Variants in UVSSA observed in about 807,000 individuals in gnomAD.
UVSSA encodes the protein UV-stimulated scaffold protein A.
UVSSA carries 72 observed loss-of-function variants against 73.9 expected under a neutral mutation model. The ratio of observed to expected loss-of-function variants is 0.97; its 90% CI spans 0.81 to 1.19. UVSSA has a LOEUF of 1.19. Ranked by LOEUF, UVSSA falls within the 50% of genes most tolerant of loss-of-function variation. The probability of loss-of-function intolerance (pLI) is 0.00; values close to 1 mark genes in which losing one functional copy is unlikely to be tolerated. For synonymous variants in UVSSA, 454 were observed against 391.3 expected (o/e 1.16, Z -1.89); for missense variants, 1,150 against 965.0 (o/e 1.19, Z -2.54).
intron 10 of UVSSA, among the ~76,000 whole-genome samples, chr4:1,379,813 ACGTGG>A: frequency 5.3e-5 from 1 of 18,938 alleles, no homozygotes; most frequent in African/African-American, 2.3e-4. Context: ...CGGCTGGTTC[ACGTGG>A]CATCAGAATT....
chr4:1,349,698 G>T lies in UVSSA; in HGVS notation c.273G>T (p.Leu91=). ...SNFQEFLELT[L]GTDPAQPLPP... ...TCCAGGAGTTCCTGGAGCTCACGCTGGGCACAGACCCCGCACAGCCTCTGC... is the reference window on the plus strand; with the variant it reads ...TCCAGGAGTTCCTGGAGCTCACGCTTGGCACAGACCCCGCACAGCCTCTGC... The change falls in exon 3 of 14, where the codon CTG becomes CTT. Residue 91 remains leucine (L), a synonymous_variant. Transcript: ENST00000389851. The T allele has an allele frequency of 6.2e-7, 1 of 1,613,970 alleles. No homozygotes were observed. The highest frequency in any genetic ancestry group is 1.6e-4 in the Middle Eastern group (1 of 6,062).
rs139054613 is a variant in UVSSA, at chr4:1,379,987, G to A, written c.1569-60G>A. Reference sequence around the variant, plus strand: ...GGCCTTCCCCTGTGCCTGCACCACCGTGGCCACGCTCTTCTGGGGTCCCTG... The same window carrying A: ...GGCCTTCCCCTGTGCCTGCACCACCATGGCCACGCTCTTCTGGGGTCCCTG... On this transcript the variant is annotated intron_variant, in intron 10 of 13. Transcript: ENST00000389851. 5.2e-5 allele frequency: 79 copies of A among 1,525,692 alleles called. No homozygotes were observed. The Middle Eastern group carries it at 1.0e-3, about 20-fold the overall frequency. 94.5% of individuals were successfully genotyped at this position (1,525,692 alleles called of 1,614,324 possible). A position where few individuals can be genotyped will look rare whatever the true frequency, so the allele number is the denominator to read the frequency against.
intron 5 of UVSSA, 148 bp downstream of exon 5, chr4:1,353,561 T>C (rs1715147674): frequency 8.8e-7 from 1 of 1,138,050 alleles, no homozygotes. Flanking sequence ...GTTTTTCCTT[T>C]CTGTGTGGCC....
At chr4:1,380,014 A>G (rs1719276214) in intron 10 of UVSSA, 33 bp from the exon 11 acceptor site, 1 of 1,566,498 alleles carries the variant, frequency 6.4e-7, no homozygotes, top group Admixed American at 1.9e-5. Context: ...GGGTCCCTGC[A>G]GATGCTATGA....
rs765203388 is a variant in UVSSA at position 1,351,858 on chromosome 4, G to T, written c.550+23G>T. ...AAGGCAAGTGTCCAGGACGGAGGGA[G>T]GGGCCCACGCCTCTGAGGGTTGCCC... On this transcript the variant is annotated intron_variant, in intron 4 of 13. Transcript: ENST00000389851. 8.1e-6 allele frequency: 13 copies of T among 1,611,072 alleles called. No homozygotes were observed. The East Asian group carries it at 2.9e-4, about 36-fold the overall frequency.
intron 8 of UVSSA, 122 bp from the exon 9 acceptor site, chr4:1,375,242 C>T (rs1718612350): frequency 6.7e-7 from 1 of 1,499,282 alleles, no homozygotes; most frequent in Admixed American, 1.8e-5. Flanking sequence ...AGGCACCCAC[C>T]TCGGGACTGT....
chr4:1,345,691 G>C (rs564377128), upstream of UVSSA, among the ~76,000 whole-genome samples: 2 of 146,686 alleles, frequency 1.4e-5, no homozygotes, highest in East Asian at 2.0e-4. Flanking sequence ...AGGGCCATCA[G>C]CGGATACAGA....
chr4:1,394,344 C>A, exon 14 of UVSSA: 1 of 1,207,602 alleles, frequency 8.3e-7, no homozygotes, highest in Non-Finnish European at 1.1e-6. Context: ...TGCTCTTCCC[C>A]CTTAAAGATT....
chr4:1,368,494 C>T lies in UVSSA; in HGVS notation c.1288+2063C>T, dbSNP rs746424570. 2.8e-4 allele frequency among the ~76,000 whole-genome samples: 43 copies of T among 152,250 alleles called. 1 individual carries two copies. The highest frequency in any genetic ancestry group is 3.1e-4 in the African/African-American group (13 of 41,480). On this transcript the variant is annotated intron_variant, in intron 8 of 13. Coordinates refer to ENST00000389851, the MANE Select transcript of UVSSA (RefSeq NM_020894.4). Reference sequence around the variant, plus strand: ...CTGTGGCCAAACACAACGGTGACAGCGCTCACTCGTCACCAGGCCTGGCCA... The same window carrying T: ...CTGTGGCCAAACACAACGGTGACAGTGCTCACTCGTCACCAGGCCTGGCCA...
intron 7 of UVSSA, among the ~76,000 whole-genome samples, chr4:1,359,752 T>C (rs1388583429): frequency 6.6e-6 from 1 of 152,152 alleles, no homozygotes; most frequent in South Asian, 2.1e-4. Context: ...GTCGGCCGCC[T>C]GCCTGCCTCC....
At chr4:1,345,374 G>A (rs1002397031), upstream of UVSSA, among the ~76,000 whole-genome samples, 1 of 151,622 alleles carries the variant, frequency 6.6e-6, no homozygotes, top group Non-Finnish European at 1.5e-5. Flanking sequence ...CCCAGGCACG[G>A]TGGCTCACGC....
At position 1,363,179 on chromosome 4, in the gene UVSSA, A is replaced by T. The variant is rs4974554; in HGVS notation, c.1177-3141A>T. Among the ~76,000 whole-genome samples, 9 of 151,748 alleles carry T rather than the reference A, an allele frequency of 5.9e-5. No individual in the cohort carries two copies. The South Asian group carries it at 6.2e-4, about 11-fold the overall frequency. On this transcript the variant is annotated intron_variant, in intron 7 of 13. Transcript: ENST00000389851. ...ACGGTGGCTGTGGTGGGACCTTGCC[A>T]GGGAGGAAGCCCTGCGGCTGCCTCA... is the stretch of plus-strand genomic sequence containing the variant.
In UVSSA at chr4:1,375,452, T is replaced by G; in HGVS notation, c.1377T>G (p.Ser459=). 6.2e-7 allele frequency: 1 copy of G among 1,613,188 alleles called. No homozygotes were observed. The highest frequency in any genetic ancestry group is 8.5e-7 in the Non-Finnish European group (1 of 1,179,994). Residue 459 remains serine (S), a synonymous_variant, in exon 9 of 14, where the codon TCT becomes TCG. Coordinates refer to ENST00000389851, the MANE Select transcript of UVSSA (RefSeq NM_020894.4). ...ACGAGGAGGTGTCGGACCCCACCTC[T>G]GCGGCTGCTCAGCTGCGGCAGCTCC... ...RMDEEVSDPT[S]AAAQLRQLRD... is the part of the protein sequence containing the mutation.
In UVSSA at chr4:1,349,836, C is replaced by T. The variant is rs377140234; in HGVS notation, c.411C>T (p.Phe137=). ...AYKKLALGYH[F]LRHNKKVDFQ... Reference sequence around the variant, plus strand: ...AGAAGCTTGCCTTGGGCTACCACTTCTTAAGACACAACAAAAAGGTAGGTG... The same window carrying T: ...AGAAGCTTGCCTTGGGCTACCACTTTTTAAGACACAACAAAAAGGTAGGTG... Residue 137 remains phenylalanine, a synonymous_variant, in exon 3 of 14, where the codon TTC becomes TTT. Coordinates refer to ENST00000389851, the MANE Select transcript of UVSSA (RefSeq NM_020894.4). 3 of 1,555,714 alleles carry T rather than the reference C, an allele frequency of 1.9e-6. No individual in the cohort carries two copies. The highest frequency in any genetic ancestry group is 2.1e-5 in the Admixed American group (1 of 48,774).
chr4:1,363,695 G>A, intron 7 of UVSSA, among the ~76,000 whole-genome samples: 2 of 152,232 alleles, frequency 1.3e-5, no homozygotes, highest in East Asian at 3.8e-4. Flanking sequence ...TCCGTGGCTT[G>A]TTGTTATTCA....
Position 1,387,634 on chromosome 4 carries a change from G to A in UVSSA, c.*1673G>A, listed in dbSNP as rs973940014. 2 of 151,986 alleles carry A rather than the reference G, an allele frequency of 1.3e-5. No homozygotes were observed. Among genetic ancestry groups the A allele is most frequent in the Admixed American group, 1.3e-4 (2 of 15,258 alleles). 9.4% of individuals were successfully genotyped at this position (151,986 alleles called of 1,614,324 possible). A position where few individuals can be genotyped will look rare whatever the true frequency, so the allele number is the denominator to read the frequency against. ...TTGTGAATTAAGTTTTGTGTGTGGT[G>A]TAAGAGCCCACATTCTTTTGCATGT... On this transcript the variant is annotated 3_prime_UTR_variant, in exon 14 of 14. Coordinates refer to ENST00000389851, the MANE Select transcript of UVSSA (RefSeq NM_020894.4).
intron 7 of UVSSA, among the ~76,000 whole-genome samples, chr4:1,365,884 G>A (rs892863084): frequency 6.6e-6 from 1 of 151,758 alleles, no homozygotes; most frequent in Admixed American, 6.6e-5. Flanking sequence ...CACCGCAGAC[G>A]CACCTGCTCC....
chr4:1,369,967 C>T (rs1210050027), intron 8 of UVSSA, among the ~76,000 whole-genome samples: 1 of 152,188 alleles, frequency 6.6e-6, no homozygotes, highest in Non-Finnish European at 1.5e-5. Flanking sequence ...CTGAAAATGC[C>T]CTCAGTGCCT....
Position 1,361,216 on chromosome 4 carries a change from T to G in UVSSA, c.1177-5104T>G, listed in dbSNP as rs542754884. On this transcript the variant is annotated intron_variant, in intron 7 of 13. Coordinates refer to ENST00000389851, the MANE Select transcript of UVSSA (RefSeq NM_020894.4). ...ACACCCAAGAAGGCCCCCAGGCCTGTGGTGCTGTGGTCCTGGCCCCTGCAG... is the reference window on the plus strand; with the variant it reads ...ACACCCAAGAAGGCCCCCAGGCCTGGGGTGCTGTGGTCCTGGCCCCTGCAG... Among the ~76,000 whole-genome samples the G allele has an allele frequency of 6.8e-4, 103 of 152,330 alleles. 1 individual carries two copies. The highest frequency in any genetic ancestry group is 2.2e-3 in the Admixed American group (34 of 15,308).
Sources: gnomAD v4.1 joint callset for allele counts (sites outside exome capture counted in the v4.1 genomes callset) on GRCh38, gnomAD v4.1.1 for gene constraint, MANE v1.5 for transcripts, NCBI Gene and HGNC (gene_info 2026-07-23, HGNC 2026-07-21) for gene names.